RAB3B: variants seen among roughly 807,000 people sequenced by gnomAD.
The protein encoded by RAB3B is ras-related protein Rab-3B.
RAB3B carries 11 observed loss-of-function variants against 20.5 expected under a neutral mutation model. That is an observed-to-expected ratio of 0.54 (90% CI 0.34 to 0.89). RAB3B has a LOEUF of 0.89. Among genes scored for constraint, RAB3B ranks in the 40% least tolerant of loss-of-function variants. RAB3B has a pLI of 0.02. For missense variants in RAB3B, 225 were observed against 280.9 expected (o/e 0.80, Z 1.42); for synonymous variants, 99 against 106.3 (o/e 0.93, Z 0.42).
At chr1:51,972,954 G>A (rs1025932183) in intron 2 of RAB3B, among the ~76,000 whole-genome samples, 2 of 152,150 alleles carry the variant, frequency 1.3e-5, no homozygotes, top group African/African-American at 4.8e-5. Flanking sequence ...TAGCCTTTAT[G>A]AGGTATAATT....
At chr1:51,954,409 T>G (rs1422453179) in intron 2 of RAB3B, among the ~76,000 whole-genome samples, 2 of 152,258 alleles carry the variant, frequency 1.3e-5, no homozygotes, top group Non-Finnish European at 2.9e-5. Flanking sequence ...TCAGTAACAT[T>G]TTCTTCTTTA....
At chr1:51,933,830 A>T (rs900663834) in intron 3 of RAB3B, among the ~76,000 whole-genome samples, 7 of 152,206 alleles carry the variant, frequency 4.6e-5, no homozygotes, top group Admixed American at 6.5e-5. Context: ...ATACCCTCCT[A>T]TGACAAAAAG....
At chr1:51,934,976 C>T (rs868151609) in intron 3 of RAB3B, among the ~76,000 whole-genome samples, 2 of 152,050 alleles carry the variant, frequency 1.3e-5, no homozygotes, top group African/African-American at 4.8e-5. Context: ...TGATTACTTC[C>T]TCTTTTGGTC....
chr1:51,974,090 C>T (rs1158303583), intron 2 of RAB3B, among the ~76,000 whole-genome samples: 10 of 152,168 alleles, frequency 6.6e-5, no homozygotes, highest in Non-Finnish European at 1.3e-4. Flanking sequence ...CACCTATAGC[C>T]TCTCCAGCAA....
intron 2 of RAB3B, among the ~76,000 whole-genome samples, chr1:51,968,657 A>T (rs956737076): frequency 1.3e-5 from 2 of 152,168 alleles, no homozygotes; most frequent in Non-Finnish European, 2.9e-5. Flanking sequence ...TTCTTATATT[A>T]CTGGCCCTAA....
chr1:51,978,846 T>C (rs1685045227), intron 1 of RAB3B, among the ~76,000 whole-genome samples: 2 of 152,218 alleles, frequency 1.3e-5, no homozygotes, highest in African/African-American at 4.8e-5. Context: ...TCTTTGGGCC[T>C]CTCAGATGAG....
Position 51,950,693 on chromosome 1 carries a change from C to T in RAB3B, c.229-13281G>A, listed in dbSNP as rs114387839. Among the ~76,000 whole-genome samples the T allele has an allele frequency of 4.7e-3, 718 of 152,280 alleles. 8 individuals are homozygous for T. The highest frequency in any genetic ancestry group is 0.016 in the African/African-American group (671 of 41,556). On this transcript the variant is annotated intron_variant, in intron 2 of 4. Transcript: ENST00000371655. ...TTCATCCCTGGGTCGTGCCCTGTTG[C>T]CTGTGCATTCCTCCAGCCAGACTCC...
At chr1:51,966,255 C>T (rs1684850133) in intron 2 of RAB3B, among the ~76,000 whole-genome samples, 2 of 152,240 alleles carry the variant, frequency 1.3e-5, no homozygotes, top group Admixed American at 1.3e-4. Context: ...CAAATGTCCC[C>T]TCCTTTGTGA....
chr1:51,987,369 C>T (rs1298856978), intron 1 of RAB3B, among the ~76,000 whole-genome samples: 1 of 152,134 alleles, frequency 6.6e-6, no homozygotes, highest in East Asian at 1.9e-4. Context: ...CAAATCACAC[C>T]CCTGGCCTCA....
intron 1 of RAB3B, among the ~76,000 whole-genome samples, chr1:51,983,376 A>G (rs1456304123): frequency 6.6e-6 from 1 of 152,108 alleles, no homozygotes; most frequent in Non-Finnish European, 1.5e-5. Flanking sequence ...AGATGTGTTT[A>G]GCTACACAAA....
chr1:51,912,554 A>AAAAAAAAAATAT lies in RAB3B; in HGVS notation c.*7372_*7373insATATTTTTTTTT, dbSNP rs1491223921. 1 of 15,500 alleles carries AAAAAAAAAATAT rather than the reference A, an allele frequency of 6.5e-5. No homozygotes were observed. Among genetic ancestry groups the AAAAAAAAAATAT allele is most frequent in the Non-Finnish European group, 1.5e-4 (1 of 6,830 alleles). The allele number at this position is 15,500 out of a possible 1,614,324, so 1.0% of individuals were successfully genotyped here. A position where few individuals can be genotyped will look rare whatever the true frequency, so the allele number is the denominator to read the frequency against. On this transcript the variant is annotated 3_prime_UTR_variant, in exon 5 of 5. Coordinates refer to ENST00000371655, the MANE Select transcript of RAB3B (RefSeq NM_002867.4). ...AGACCGTCTCTATTAAAAAAAAAAA[A>AAAAAAAAAATAT]ATATATATATATATATATATATATA...
intron 2 of RAB3B, among the ~76,000 whole-genome samples, chr1:51,971,371 T>C (rs1684931784): frequency 6.6e-6 from 1 of 152,048 alleles, no homozygotes; most frequent in African/African-American, 2.4e-5. Flanking sequence ...CCTCAGTGGA[T>C]GCCTGAAACC....
chr1:51,968,429 A>C (rs751964019), intron 2 of RAB3B, among the ~76,000 whole-genome samples: 2 of 152,200 alleles, frequency 1.3e-5, no homozygotes, highest in Non-Finnish European at 2.9e-5. Context: ...CCTAATCAGA[A>C]CAAGAGAGCT....
intron 1 of RAB3B, among the ~76,000 whole-genome samples, chr1:51,986,914 T>A (rs1483844928): frequency 1.3e-5 from 2 of 152,246 alleles, no homozygotes; most frequent in Non-Finnish European, 2.9e-5. Context: ...AGACAGGTCA[T>A]GCACAGTGGT....
At chr1:51,975,844 T>A (rs1366103121) in intron 2 of RAB3B, among the ~76,000 whole-genome samples, 1 of 151,912 alleles carries the variant, frequency 6.6e-6, no homozygotes, top group East Asian at 1.9e-4. Context: ...ATACAAAAAT[T>A]AACTGGGCAT....
intron 1 of RAB3B, among the ~76,000 whole-genome samples, chr1:51,987,874 C>T (rs926132149): frequency 6.6e-6 from 1 of 152,032 alleles, no homozygotes; most frequent in Non-Finnish European, 1.5e-5. Context: ...ACTGTATTTT[C>T]TTCTCTTTTT....
intron 2 of RAB3B, among the ~76,000 whole-genome samples, chr1:51,950,783 G>A (rs759373249): frequency 1.6e-4 from 25 of 152,204 alleles, no homozygotes; most frequent in Admixed American, 3.3e-4. Flanking sequence ...CAGGGAGGCA[G>A]GTAATGAGAA....
chr1:51,969,050 TTTGAAAGGCCTAGGCAGGCAGA>T (rs1684893509), intron 2 of RAB3B, among the ~76,000 whole-genome samples: 1 of 152,202 alleles, frequency 6.6e-6, no homozygotes, highest in Non-Finnish European at 1.5e-5. Flanking sequence ...TCCCAGCACT[TTTGAAAGGCCTAGGCAGGCAGA>T]TCACTTGAGC....
In RAB3B at chr1:51,979,266, T is replaced by C. The variant is rs563687141; in HGVS notation, c.1-2149A>G. On this transcript the variant is annotated intron_variant, in intron 1 of 4. Transcript: ENST00000371655. ...AAGAACTTGCCATGTAAAGGCATTATGCTTTTTTTTTTTTTTTTTCTGAGA... is the reference window on the plus strand; with the variant it reads ...AAGAACTTGCCATGTAAAGGCATTACGCTTTTTTTTTTTTTTTTTCTGAGA... 9.4e-5 allele frequency among the ~76,000 whole-genome samples: 14 copies of C among 149,368 alleles called. No individual in the cohort carries two copies. The South Asian group carries it at 3.0e-3, about 31-fold the overall frequency.
Sources: gnomAD v4.1 joint callset for allele counts (sites outside exome capture counted in the v4.1 genomes callset) on GRCh38, gnomAD v4.1.1 for gene constraint, MANE v1.5 for transcripts, NCBI Gene and HGNC (gene_info 2026-07-23, HGNC 2026-07-21) for gene names.